The following SLC18B1 variants were observed in gnomAD, a reference collection of about 807,000 sequenced individuals.
SLC18B1 encodes MFS-type transporter SLC18B1.
SLC18B1 carries 62 observed loss-of-function variants against 53.9 expected under a neutral mutation model. The ratio of observed to expected loss-of-function variants is 1.15; its 90% CI spans 0.94 to 1.42. SLC18B1 has a LOEUF of 1.42. Ranked by LOEUF, SLC18B1 falls within the 40% of genes most tolerant of loss-of-function variation. The probability of loss-of-function intolerance (pLI) is 0.00; values close to 1 mark genes in which losing one functional copy is unlikely to be tolerated. For missense variants in SLC18B1, 598 were observed against 547.3 expected (o/e 1.09, Z -0.93); for synonymous variants, 217 against 200.9 (o/e 1.08, Z -0.68).
At position 132,772,135 on chromosome 6, in the gene SLC18B1, A is replaced by G. The variant is rs1780992253; in HGVS notation, c.1157T>C (p.Ile386Thr). 6.4e-7 allele frequency: 1 copy of G among 1,568,618 alleles called. No homozygotes were observed. ...AAGAAATTAAATGACTACTCACCCAATTGACCACATTGCACTAAAAAGACC... is the reference window on the plus strand; with the variant it reads ...AAGAAATTAAATGACTACTCACCCAGTTGACCACATTGCACTAAAAAGACC... ...VSGLFSAMWS[I>T]GAFMGPTLGG... is the part of the protein sequence containing the mutation. The change falls in exon 11 of 14, where the codon ATT (isoleucine) becomes ACT (threonine). Residue 386 changes from isoleucine (I) to threonine (T), a missense_variant. By Grantham distance (89) the Ile-to-Thr change is moderately conservative (BLOSUM62 -1). Transcript: ENST00000275227.
chr6:132,780,594 CAGT>C (rs1473428562), intron 6 of SLC18B1, among the ~76,000 whole-genome samples: 30 of 37,470 alleles, frequency 8.0e-4, no homozygotes, highest in African/African-American at 4.4e-3. Context: ...TTTTTTGAGA[CAGT>C]AGTTTTTTTT....
chr6:132,772,273 G>A, intron 10 of SLC18B1, 67 bp from the exon 11 acceptor site: 3 of 944,328 alleles, frequency 3.2e-6, no homozygotes, highest in Non-Finnish European at 4.7e-6. Flanking sequence ...AAAATTGTAT[G>A]ATAGATCAAT....
At chr6:132,779,727 A>G (rs1781183581) in intron 6 of SLC18B1, among the ~76,000 whole-genome samples, 1 of 152,218 alleles carries the variant, frequency 6.6e-6, no homozygotes, top group South Asian at 2.1e-4. Flanking sequence ...TTGGACATGT[A>G]TTAGTCTGTT....
At chr6:132,782,880 T>C (rs1196007069) in intron 6 of SLC18B1, among the ~76,000 whole-genome samples, 2 of 151,770 alleles carry the variant, frequency 1.3e-5, no homozygotes, top group Non-Finnish European at 2.9e-5. Context: ...GTTCAAACAA[T>C]TCTCCTGTCT....
At chr6:132,791,437 A>G (rs1362116562) in intron 2 of SLC18B1, among the ~76,000 whole-genome samples, 1 of 152,198 alleles carries the variant, frequency 6.6e-6, no homozygotes, top group Non-Finnish European at 1.5e-5. Context: ...CTTCCCATGT[A>G]AAGATACTAT....
intron 6 of SLC18B1, 90 bp from the exon 7 acceptor site, chr6:132,779,494 T>G: frequency 1.5e-6 from 2 of 1,368,034 alleles, no homozygotes; most frequent in Non-Finnish European, 2.0e-6. Flanking sequence ...AACACCATCT[T>G]TATCTGGTAA....
At chr6:132,796,465 G>A (rs918109742) in intron 2 of SLC18B1, among the ~76,000 whole-genome samples, 19 of 145,642 alleles carry the variant, frequency 1.3e-4, no homozygotes, top group African/African-American at 4.6e-4. Context: ...GGCAGAGGTT[G>A]CAGTGAGCCA....
At chr6:132,775,026 A>C (rs925492134) in intron 8 of SLC18B1, among the ~76,000 whole-genome samples, 28 of 152,282 alleles carry the variant, frequency 1.8e-4, no homozygotes, top group African/African-American at 5.8e-4. Flanking sequence ...GTCCCCCCAA[A>C]ATTTATATGT....
At chr6:132,790,156 G>T (rs41286186) in intron 3 of SLC18B1, 21 bp downstream of exon 3, 2 of 1,493,060 alleles carry the variant, frequency 1.3e-6, no homozygotes, top group Non-Finnish European at 1.8e-6. Flanking sequence ...ATTAAGATGT[G>T]CATATGAACT....
At chr6:132,794,400 G>A (rs1404371835) in intron 2 of SLC18B1, among the ~76,000 whole-genome samples, 1 of 150,566 alleles carries the variant, frequency 6.6e-6, no homozygotes, top group African/African-American at 2.5e-5. Flanking sequence ...CACCATGCCT[G>A]GCATTATTAT....
chr6:132,778,725 A>C (rs1781155819), intron 7 of SLC18B1, among the ~76,000 whole-genome samples: 1 of 152,212 alleles, frequency 6.6e-6, no homozygotes, highest in South Asian at 2.1e-4. Flanking sequence ...TTTCAAAAAT[A>C]TCTAAGAACA....
Position 132,798,469 on chromosome 6 carries a change from G to T in SLC18B1, c.-13C>A. 1 of 1,503,160 alleles carries T rather than the reference G, an allele frequency of 6.7e-7. No homozygotes were observed. The highest frequency in any genetic ancestry group is 8.9e-7 in the Non-Finnish European group (1 of 1,120,860). 93.1% of individuals were successfully genotyped at this position (1,503,160 alleles called of 1,614,324 possible). On this transcript the variant is annotated 5_prime_UTR_variant, in exon 1 of 14. Transcript: ENST00000275227. Reference sequence around the variant, plus strand: ...CCAGCGCCTCCATCCCCGGTGCGTGGACTCCGGCGCCCCAGCTCCCGGCTT... The same window carrying T: ...CCAGCGCCTCCATCCCCGGTGCGTGTACTCCGGCGCCCCAGCTCCCGGCTT...
chr6:132,790,127 C>T (rs6930703), intron 3 of SLC18B1, 50 bp downstream of exon 3: 86,862 of 1,314,020 alleles, frequency 0.066, 5,265 homozygotes, highest in African/African-American at 0.31. Flanking sequence ...GAAAATAATC[C>T]ATCATATAAT....
chr6:132,794,550 G>A (rs1321462667), intron 2 of SLC18B1, among the ~76,000 whole-genome samples: 1 of 152,034 alleles, frequency 6.6e-6, no homozygotes, highest in African/African-American at 2.4e-5. Context: ...CAGATCCACT[G>A]TCTCCTATTA....
intron 6 of SLC18B1, among the ~76,000 whole-genome samples, chr6:132,779,931 A>G (rs930774256): frequency 1.3e-5 from 2 of 152,092 alleles, no homozygotes; most frequent in Admixed American, 1.3e-4. Context: ...AAAACATCAG[A>G]TCTTGTGAGA....
intron 5 of SLC18B1, among the ~76,000 whole-genome samples, chr6:132,786,327 C>T (rs561995413): frequency 1.2e-4 from 19 of 152,090 alleles, no homozygotes; most frequent in Non-Finnish European, 2.6e-4. Context: ...AGGTGGATCA[C>T]GAGGTCAGGA....
At chr6:132,779,033 T>C (rs1481980500) in intron 7 of SLC18B1, among the ~76,000 whole-genome samples, 3 of 152,192 alleles carry the variant, frequency 2.0e-5, no homozygotes, top group African/African-American at 7.2e-5. Context: ...AGCAAGTTCT[T>C]GGAAAGAAGG....
Position 132,795,481 on chromosome 6 carries a change from G to T in SLC18B1, c.183+1501C>A, listed in dbSNP as rs576982100. 1.1e-4 allele frequency among the ~76,000 whole-genome samples: 16 copies of T among 152,316 alleles called. No homozygotes were observed. In the South Asian group the frequency reaches 3.1e-3, roughly 30 times the overall value. ...TTGCGGGGATTAAATGGATAAATAA[G>T]GGGTAATGTGTACTAGAAGCCAGAG... On this transcript the variant is annotated intron_variant, in intron 2 of 13. Coordinates refer to ENST00000275227, the MANE Select transcript of SLC18B1 (RefSeq NM_052831.3).
intron 2 of SLC18B1, 48 bp downstream of exon 2, chr6:132,796,934 A>C (rs1358302290): frequency 6.4e-7 from 1 of 1,554,228 alleles, no homozygotes; most frequent in East Asian, 2.3e-5. Flanking sequence ...CTTTTAAAAA[A>C]CAAACAAACA....
Sources: allele counts gnomAD v4.1 joint callset (sites outside exome capture counted in the v4.1 genomes callset), GRCh38; gene constraint gnomAD v4.1.1; transcripts MANE v1.5; gene names NCBI Gene and HGNC (gene_info 2026-07-23, HGNC 2026-07-21).